Variants in CCL28 observed in about 807,000 individuals in gnomAD.
The protein encoded by CCL28 is C-C motif chemokine 28.
Under a neutral mutation model 7.1 loss-of-function variants are expected in CCL28, and 4 were observed. The ratio of observed to expected loss-of-function variants is 0.56; its 90% confidence interval spans 0.28 to 1.29. CCL28 has a LOEUF of 1.29. CCL28 is among the 50% of genes most tolerant of loss of function. The pLI is 0.11. For synonymous variants in CCL28, 55 were observed against 57.8 expected (o/e 0.95, Z 0.22); for missense variants, 151 against 163.4 (o/e 0.92, Z 0.41).
Position 43,390,841 on chromosome 5 carries a change from G to A in CCL28, c.65-2365C>T, listed in dbSNP as rs191070966. Among the ~76,000 whole-genome samples, 13 of 152,324 alleles carry A rather than the reference G, an allele frequency of 8.5e-5. No individual in the cohort carries two copies. In the East Asian group the frequency reaches 1.9e-3, roughly 23 times the overall value. ...TGCAGCAACTTTGTAATTACTGCCA[G>A]GCAAGAAAGTGGGGACCCAGAACAT... On this transcript the variant is annotated intron_variant, in intron 1 of 2. Transcript: ENST00000361115.
chr5:43,379,371 ACT>A lies in CCL28; in HGVS notation c.*2487_*2488del, dbSNP rs1465978608. 1 of 152,076 alleles carries A rather than the reference ACT, an allele frequency of 6.6e-6. No homozygotes were observed. The highest frequency in any genetic ancestry group is 1.9e-4 in the East Asian group (1 of 5,190). 9.4% of individuals were successfully genotyped at this position (152,076 alleles called of 1,614,324 possible). On this transcript the variant is annotated 3_prime_UTR_variant, in exon 3 of 3. Transcript: ENST00000361115. ...TTGTGGTTTATTAATATTTTAAGTTACTCTCATATTATATTTTATTAATTTTT... is the reference window on the plus strand; with the variant it reads ...TTGTGGTTTATTAATATTTTAAGTTACTCATATTATATTTTATTAATTTTT...
chr5:43,368,887 G>A, the CCL28 span, among the ~76,000 whole-genome samples: 266 of 151,882 alleles, frequency 1.8e-3, 2 homozygotes, highest in Middle Eastern at 3.4e-3. Context: ...CTCTGAAACC[G>A]TGAGACAATA....
the CCL28 span, among the ~76,000 whole-genome samples, chr5:43,366,539 T>C: frequency 1.4e-4 from 22 of 152,250 alleles, no homozygotes; most frequent in Non-Finnish European, 2.8e-4. Context: ...GAAGGGCACC[T>C]GCCAGATGCC....
chr5:43,378,068 T>C (rs1036250313), downstream of CCL28, among the ~76,000 whole-genome samples: 3 of 152,118 alleles, frequency 2.0e-5, no homozygotes, highest in Admixed American at 2.0e-4. Flanking sequence ...GAAAGCTAGG[T>C]GCAGTGGCTC....
intron 1 of CCL28, among the ~76,000 whole-genome samples, chr5:43,406,996 A>T (rs887089612): frequency 6.6e-6 from 1 of 152,256 alleles, no homozygotes; most frequent in Non-Finnish European, 1.5e-5. Flanking sequence ...AAAAGAGGAT[A>T]CAAAGAAATG....
chr5:43,357,778 A>G, the CCL28 span, among the ~76,000 whole-genome samples: 1 of 152,176 alleles, frequency 6.6e-6, no homozygotes, highest in South Asian at 2.1e-4. Flanking sequence ...AGCCAATTTC[A>G]TGCTGTGAAA....
the CCL28 span, among the ~76,000 whole-genome samples, chr5:43,357,310 C>A: frequency 3.9e-5 from 6 of 152,190 alleles, no homozygotes; most frequent in Admixed American, 6.5e-5. Context: ...GTGGGAGGAA[C>A]TGCAAAGTCA....
chr5:43,371,190 T>C, the CCL28 span, among the ~76,000 whole-genome samples: 2 of 152,218 alleles, frequency 1.3e-5, no homozygotes, highest in Non-Finnish European at 2.9e-5. Flanking sequence ...ATTACTAGCA[T>C]CCCCAAATGC....
At chr5:43,398,860 A>G (rs1740922519) in intron 1 of CCL28, among the ~76,000 whole-genome samples, 1 of 149,084 alleles carries the variant, frequency 6.7e-6, no homozygotes, top group African/African-American at 2.5e-5. Context: ...AAAAAAAAAG[A>G]AGAGAAATTA....
chr5:43,369,056 G>C, the CCL28 span, among the ~76,000 whole-genome samples: 2 of 126,786 alleles, frequency 1.6e-5, no homozygotes, highest in African/African-American at 7.7e-5. Context: ...GAGAGAGAGA[G>C]AGAGAGAGAG....
At chr5:43,385,005 T>C in intron 2 of CCL28, among the ~76,000 whole-genome samples, 1 of 151,952 alleles carries the variant, frequency 6.6e-6, no homozygotes, top group Admixed American at 6.6e-5. Context: ...CACGCCATTC[T>C]CCTGCCTCAG....
At chr5:43,404,431 TA>T (rs1741178968) in intron 1 of CCL28, among the ~76,000 whole-genome samples, 1 of 152,088 alleles carries the variant, frequency 6.6e-6, no homozygotes, top group Non-Finnish European at 1.5e-5. Flanking sequence ...GAAGGAGAAA[TA>T]AACCCCTTTA....
At chr5:43,409,122 A>AT in intron 1 of CCL28, among the ~76,000 whole-genome samples, 1 of 152,036 alleles carries the variant, frequency 6.6e-6, no homozygotes, top group South Asian at 2.1e-4. Context: ...TACAAGAAAA[A>AT]TTTTTTTAAT....
intron 2 of CCL28, among the ~76,000 whole-genome samples, chr5:43,382,867 G>A (rs1056808003): frequency 6.6e-6 from 1 of 151,886 alleles, no homozygotes; most frequent in African/African-American, 2.4e-5. Flanking sequence ...CACCCAGGCT[G>A]GAGTGCAATG....
At chr5:43,357,639 C>T in the CCL28 span, among the ~76,000 whole-genome samples, 1 of 152,022 alleles carries the variant, frequency 6.6e-6, no homozygotes, top group Non-Finnish European at 1.5e-5. Flanking sequence ...TGTGTTCTTT[C>T]TCTTACTCTC....
intron 1 of CCL28, among the ~76,000 whole-genome samples, chr5:43,398,734 C>T (rs912401698): frequency 2.0e-4 from 30 of 152,208 alleles, no homozygotes; most frequent in South Asian, 2.1e-4. Flanking sequence ...GCCAGTAATT[C>T]CAGTTACTCA....
At chr5:43,384,397 C>G (rs1740253355) in intron 2 of CCL28, among the ~76,000 whole-genome samples, 1 of 152,212 alleles carries the variant, frequency 6.6e-6, no homozygotes, top group African/African-American at 2.4e-5. Context: ...GCTCCCAAAT[C>G]TGAGATCCCA....
chr5:43,398,314 C>A (rs551031283), intron 1 of CCL28, among the ~76,000 whole-genome samples: 87 of 152,310 alleles, frequency 5.7e-4, no homozygotes, highest in African/African-American at 2.0e-3. Flanking sequence ...GCCTTCACCT[C>A]CTGGCGTCAA....
the CCL28 span, among the ~76,000 whole-genome samples, chr5:43,361,747 TC>T: frequency 6.6e-6 from 1 of 152,096 alleles, no homozygotes; most frequent in Non-Finnish European, 1.5e-5. Flanking sequence ...GAATAGGGAG[TC>T]CCTTCCTCAT....
Sources: gnomAD v4.1 joint callset for allele counts (sites outside exome capture counted in the v4.1 genomes callset) on GRCh38, gnomAD v4.1.1 for gene constraint, MANE v1.5 for transcripts, NCBI Gene and HGNC (gene_info 2026-07-23, HGNC 2026-07-21) for gene names.